MACROD2: variants seen among roughly 807,000 people sequenced by gnomAD.
MACROD2 encodes ADP-ribose glycohydrolase MACROD2.
Under a neutral mutation model 70.4 loss-of-function variants are expected in MACROD2, and 36 were observed. That is an observed-to-expected ratio of 0.51 (90% CI 0.39 to 0.68). The LOEUF (loss-of-function observed/expected upper bound fraction) is 0.68. Among genes scored for constraint, MACROD2 ranks in the 30% least tolerant of loss-of-function variants. The probability of loss-of-function intolerance (pLI) is 0.00; values close to 1 mark genes in which losing one functional copy is unlikely to be tolerated. For synonymous variants in MACROD2, 172 were observed against 178.8 expected (o/e 0.96, Z 0.30); for missense variants, 496 against 538.4 (o/e 0.92, Z 0.78).
At chr20:14,241,750 A>AG (rs2081931462) in intron 3 of MACROD2, among the ~76,000 whole-genome samples, 1 of 152,218 alleles carries the variant, frequency 6.6e-6, no homozygotes, top group South Asian at 2.1e-4. Flanking sequence ...CCTTACAAGG[A>AG]GGGGCCCTGT....
intron 3 of MACROD2, among the ~76,000 whole-genome samples, chr20:14,137,926 A>C (rs1399337261): frequency 6.6e-6 from 1 of 152,172 alleles, no homozygotes; most frequent in Non-Finnish European, 1.5e-5. Flanking sequence ...ACTCAGTAAA[A>C]ACAAAACACC....
At chr20:14,190,704 T>TATATATATATACA (rs2081379899) in intron 3 of MACROD2, among the ~76,000 whole-genome samples, 2 of 21,194 alleles carry the variant, frequency 9.4e-5, no homozygotes, top group African/African-American at 2.0e-4. Context: ...ATATATTTTT[T>TATATATATATACA]TTTTTTTTTT....
At chr20:15,575,798 TG>T (rs1344636145) in intron 8 of MACROD2, among the ~76,000 whole-genome samples, 1 of 152,144 alleles carries the variant, frequency 6.6e-6, no homozygotes, top group African/African-American at 2.4e-5. Flanking sequence ...GAGCAAAAAC[TG>T]GAATGTCTAA....
At chr20:14,483,345 G>GT (rs1248528429) in intron 3 of MACROD2, among the ~76,000 whole-genome samples, 1 of 152,074 alleles carries the variant, frequency 6.6e-6, no homozygotes, top group Non-Finnish European at 1.5e-5. Flanking sequence ...ATCTTTGTGG[G>GT]TTTTTTGATA....
At chr20:15,381,750 G>C (rs1366701426) in intron 6 of MACROD2, among the ~76,000 whole-genome samples, 1 of 152,180 alleles carries the variant, frequency 6.6e-6, no homozygotes, top group Non-Finnish European at 1.5e-5. Flanking sequence ...TGACTTACCA[G>C]CGTGGGAAGT....
At chr20:14,274,882 G>C (rs1230587143) in intron 3 of MACROD2, among the ~76,000 whole-genome samples, 1 of 150,642 alleles carries the variant, frequency 6.6e-6, no homozygotes, top group Non-Finnish European at 1.5e-5. Context: ...AATCATGAGT[G>C]AACTCCCATT....
chr20:15,002,678 G>T (rs1323829980), intron 5 of MACROD2, among the ~76,000 whole-genome samples: 1 of 152,060 alleles, frequency 6.6e-6, no homozygotes, highest in African/African-American at 2.4e-5. Context: ...AAATGGTCAG[G>T]GTGTAAGAAA....
At chr20:15,109,931 A>G (rs1247152757) in intron 5 of MACROD2, among the ~76,000 whole-genome samples, 1 of 152,162 alleles carries the variant, frequency 6.6e-6, no homozygotes, top group Non-Finnish European at 1.5e-5. Context: ...ATTGGAGAGC[A>G]AAAAGGCAAG....
At chr20:15,095,468 C>T (rs1003798622) in intron 5 of MACROD2, among the ~76,000 whole-genome samples, 1 of 151,914 alleles carries the variant, frequency 6.6e-6, no homozygotes, top group East Asian at 1.9e-4. Flanking sequence ...GATTTCTGAC[C>T]TCTTTGTAGA....
chr20:15,614,287 C>T lies in MACROD2; in HGVS notation c.645+114440C>T, dbSNP rs112578872. On this transcript the variant is annotated intron_variant, in intron 8 of 17. Transcript: ENST00000684519. ...TCTATTCTATTATCCATTTGTTATT[C>T]CTAGAAGTGAAAATAAGTATTACAC... Among the ~76,000 whole-genome samples, 188 of 152,272 alleles carry T rather than the reference C, an allele frequency of 1.2e-3. 4 individuals are homozygous for T. Among genetic ancestry groups the T allele is most frequent in the African/African-American group, 4.5e-3 (185 of 41,570 alleles).
intron 5 of MACROD2, among the ~76,000 whole-genome samples, chr20:14,736,938 C>T (rs1432639727): frequency 6.6e-6 from 1 of 152,028 alleles, no homozygotes; most frequent in African/African-American, 2.4e-5. Flanking sequence ...GAATCTGTAT[C>T]ACCATTGTCT....
chr20:14,955,442 C>T (rs945196811), intron 5 of MACROD2, among the ~76,000 whole-genome samples: 3 of 151,258 alleles, frequency 2.0e-5, no homozygotes, highest in South Asian at 2.1e-4. Context: ...CTACACACCT[C>T]ATTGCCCTCC....
At chr20:15,857,161 C>T (rs1339529735) in intron 8 of MACROD2, among the ~76,000 whole-genome samples, 7 of 152,118 alleles carry the variant, frequency 4.6e-5, no homozygotes, top group Admixed American at 2.0e-4. Flanking sequence ...TAACATTCCA[C>T]AAGGGGATGA....
chr20:15,187,815 A>T (rs1192986687), intron 5 of MACROD2, among the ~76,000 whole-genome samples: 1 of 152,162 alleles, frequency 6.6e-6, no homozygotes, highest in Non-Finnish European at 1.5e-5. Context: ...ATAATTATCC[A>T]TGAGTAAGCA....
chr20:14,011,376 T>C (rs2052903345), intron 2 of MACROD2, among the ~76,000 whole-genome samples: 1 of 152,126 alleles, frequency 6.6e-6, no homozygotes, highest in African/African-American at 2.4e-5. Context: ...CTGACTGTAT[T>C]TGCGTAAAAC....
chr20:16,018,161 C>T lies in MACROD2; in HGVS notation c.1154-23040C>T, dbSNP rs142383201. Among the ~76,000 whole-genome samples the T allele has an allele frequency of 4.6e-5, 7 of 152,154 alleles. No individual in the cohort carries two copies. In the East Asian group the frequency reaches 1.4e-3, roughly 29 times the overall value. The stretch of plus-strand genomic sequence containing the variant: ...AATATTATGAGATGGCTCAGGAAGG[C>T]CTTATGAGGAAGAGGACAACGCAGA... On this transcript the variant is annotated intron_variant, in intron 15 of 17. Coordinates refer to ENST00000684519, the MANE Select transcript of MACROD2 (RefSeq NM_001351661.2).
intron 4 of MACROD2, chr20:14,621,846 G>A (rs528509442): frequency 1.1e-4 from 16 of 152,242 alleles, no homozygotes; most frequent in Non-Finnish European, 2.1e-4. Context: ...ATGTTTATAC[G>A]TGACTACCTG....
At chr20:14,669,417 C>G (rs1204705484) in intron 4 of MACROD2, among the ~76,000 whole-genome samples, 1 of 151,910 alleles carries the variant, frequency 6.6e-6, no homozygotes, top group African/African-American at 2.4e-5. Flanking sequence ...TTTTTTGCTC[C>G]TTAATATTTT....
chr20:14,934,446 T>C (rs904171930), intron 5 of MACROD2, among the ~76,000 whole-genome samples: 3 of 152,082 alleles, frequency 2.0e-5, no homozygotes, highest in African/African-American at 7.2e-5. Flanking sequence ...GACCATCAAT[T>C]GTGGTCTCAG....
Sources: allele counts gnomAD v4.1 joint callset (sites outside exome capture counted in the v4.1 genomes callset), GRCh38; gene constraint gnomAD v4.1.1; transcripts MANE v1.5; gene names NCBI Gene and HGNC (gene_info 2026-07-23, HGNC 2026-07-21).